Variants in GRID2 observed in about 807,000 individuals in gnomAD.
GRID2 encodes glutamate ionotropic receptor delta type subunit 2.
GRID2 carries 33 observed loss-of-function variants against 114.8 expected under a neutral mutation model. The ratio of observed to expected loss-of-function variants is 0.29; its 90% confidence interval spans 0.22 to 0.38. GRID2 has a LOEUF of 0.38. Among genes scored for constraint, GRID2 ranks in the 10% least tolerant of loss-of-function variants. The probability of loss-of-function intolerance (pLI) is 1.00; values close to 1 mark genes in which losing one functional copy is unlikely to be tolerated. For missense variants in GRID2, 1,184 were observed against 1,257.7 expected, an observed-to-expected ratio of 0.94 and a Z score of 0.89; for synonymous variants, 505 against 449.9, an observed-to-expected ratio of 1.12 and a Z score of -1.55.
intron 2 of GRID2, among the ~76,000 whole-genome samples, chr4:92,784,393 T>G (rs1026374143): frequency 6.6e-6 from 1 of 151,904 alleles, no homozygotes; most frequent in Non-Finnish European, 1.5e-5. Context: ...GACTACCTGT[T>G]CATCCACATA....
chr4:93,209,195 C>T (rs2149472535), intron 5 of GRID2, among the ~76,000 whole-genome samples: 1 of 152,042 alleles, frequency 6.6e-6, no homozygotes, highest in South Asian at 2.1e-4. Flanking sequence ...CTTTGTCACC[C>T]AGGCATTAAG....
chr4:93,596,714 TTTGA>T (rs2149630328), intron 13 of GRID2, among the ~76,000 whole-genome samples: 1 of 152,378 alleles, frequency 6.6e-6, no homozygotes, highest in South Asian at 2.1e-4. Flanking sequence ...TGCTCAATGT[TTTGA>T]TTAATAAGTG....
intron 2 of GRID2, among the ~76,000 whole-genome samples, chr4:92,722,779 A>C (rs779717276): frequency 2.6e-5 from 4 of 152,136 alleles, no homozygotes; most frequent in Non-Finnish European, 4.4e-5. Context: ...AAGAAACATA[A>C]GATTATTTAG....
intron 1 of GRID2, among the ~76,000 whole-genome samples, chr4:92,310,554 GAC>G (rs1037291757): frequency 4.0e-5 from 6 of 151,898 alleles, no homozygotes; most frequent in Non-Finnish European, 8.8e-5. Context: ...TATTGATGTG[GAC>G]ACACATTTCA....
At chr4:93,798,719 G>A (rs1320931190) in intron 1 of GRID2, among the ~76,000 whole-genome samples, 1 of 152,196 alleles carries the variant, frequency 6.6e-6, no homozygotes, top group African/African-American at 2.4e-5. Context: ...GTGATTTAAA[G>A]CAGTTCTATG....
rs1721320897 is a variant in GRID2 at position 92,458,403 on chromosome 4, C to T, written c.89-131728C>T. Among the ~76,000 whole-genome samples, 3 of 152,100 alleles carry T rather than the reference C, an allele frequency of 2.0e-5. No homozygotes were observed. The South Asian group carries it at 6.2e-4, about 32-fold the overall frequency. ...TTTTCATCCTCAGGAACCTTATCTG[C>T]ACAATTTAGGGATTAGTCTTTAATG... On this transcript the variant is annotated intron_variant, in intron 1 of 15. Transcript: ENST00000282020.
intron 2 of GRID2, among the ~76,000 whole-genome samples, chr4:92,707,450 A>C (rs1045631922): frequency 6.6e-6 from 1 of 152,250 alleles, no homozygotes; most frequent in Non-Finnish European, 1.5e-5. Flanking sequence ...TAAATGCCTC[A>C]TTATGCAAGA....
At chr4:93,738,208 A>C (rs1731085304) in intron 14 of GRID2, among the ~76,000 whole-genome samples, 1 of 151,952 alleles carries the variant, frequency 6.6e-6, no homozygotes, top group South Asian at 2.1e-4. Context: ...AATTAGAGAG[A>C]CTCCTGGACT....
At chr4:93,793,228 C>T (rs1285070427) in intron 1 of GRID2, among the ~76,000 whole-genome samples, 3 of 152,070 alleles carry the variant, frequency 2.0e-5, no homozygotes, top group Non-Finnish European at 4.4e-5. Flanking sequence ...TTTGGTGTTT[C>T]GATGGATCCA....
At chr4:92,640,839 G>A (rs999627616) in intron 2 of GRID2, among the ~76,000 whole-genome samples, 25 of 151,752 alleles carry the variant, frequency 1.6e-4, no homozygotes, top group African/African-American at 4.8e-4. Flanking sequence ...AAAACAAAAA[G>A]TATATTCTTC....
At chr4:92,776,878 C>T (rs1738828644) in intron 2 of GRID2, among the ~76,000 whole-genome samples, 1 of 151,648 alleles carries the variant, frequency 6.6e-6, no homozygotes, top group Admixed American at 6.6e-5. Flanking sequence ...TAAAGAAATG[C>T]TTTTTCTGAT....
Position 92,724,062 on chromosome 4 carries a change from G to A in GRID2, c.244+133776G>A, listed in dbSNP as rs115890951. Among the ~76,000 whole-genome samples, 1,517 of 152,152 alleles carry A rather than the reference G, an allele frequency of 1.0e-2. 23 individuals are homozygous for A. Among genetic ancestry groups the A allele is most frequent in the African/African-American group, 0.035 (1,454 of 41,486 alleles). On this transcript the variant is annotated intron_variant, in intron 2 of 15. Transcript: ENST00000282020. ...CAAAAATCTGTATCAATATACAGGA[G>A]GGTTTATCAATTAAAATTAATTTGA...
intron 4 of GRID2, among the ~76,000 whole-genome samples, chr4:93,178,835 T>C (rs1180093672): frequency 1.3e-5 from 2 of 152,160 alleles, no homozygotes; most frequent in African/African-American, 4.8e-5. Context: ...GGTTCCATTA[T>C]ATCCTGTTTG....
At chr4:93,703,894 A>C (rs2110147142) in intron 14 of GRID2, among the ~76,000 whole-genome samples, 1 of 152,064 alleles carries the variant, frequency 6.6e-6, no homozygotes, top group East Asian at 1.9e-4. Context: ...CCAGTCTATC[A>C]TTGTTGGACA....
intron 2 of GRID2, among the ~76,000 whole-genome samples, chr4:92,941,748 C>T (rs1003714096): frequency 1.3e-5 from 2 of 152,128 alleles, no homozygotes; most frequent in Non-Finnish European, 2.9e-5. Flanking sequence ...GAATGTGTCC[C>T]AGAGATTCTC....
chr4:93,367,820 G>C (rs1245706846), intron 8 of GRID2, among the ~76,000 whole-genome samples: 1 of 152,158 alleles, frequency 6.6e-6, no homozygotes, highest in Admixed American at 6.6e-5. Context: ...AATGAGTTGA[G>C]TGATATCTCC....
intron 2 of GRID2, among the ~76,000 whole-genome samples, chr4:92,766,501 C>CA (rs1453602483): frequency 1.5e-5 from 2 of 133,390 alleles, no homozygotes; most frequent in Non-Finnish European, 3.0e-5. Flanking sequence ...AGTGCCACTG[C>CA]ACTACAGCTT....
At chr4:93,296,325 T>C (rs1425320310) in intron 8 of GRID2, among the ~76,000 whole-genome samples, 2 of 84,610 alleles carry the variant, frequency 2.4e-5, no homozygotes, top group African/African-American at 9.0e-5. Context: ...TAATCCAAAA[T>C]AATCTCCCAT....
At chr4:92,932,618 A>G (rs1017185460) in intron 2 of GRID2, among the ~76,000 whole-genome samples, 2 of 151,454 alleles carry the variant, frequency 1.3e-5, no homozygotes, top group Admixed American at 6.6e-5. Context: ...AAAACTATTC[A>G]TATAGCACAT....
Sources: allele counts gnomAD v4.1 joint callset (sites outside exome capture counted in the v4.1 genomes callset), GRCh38; gene constraint gnomAD v4.1.1; transcripts MANE v1.5; gene names NCBI Gene and HGNC (gene_info 2026-07-23, HGNC 2026-07-21).